Variants in KCNH5 observed in about 807,000 individuals in gnomAD.
The protein encoded by KCNH5 is potassium voltage-gated channel subfamily H member 5.
KCNH5 carries 46 observed loss-of-function variants against 96.1 expected under a neutral mutation model. The observed-to-expected ratio is 0.48, with a 90% confidence interval of 0.38 to 0.61. The LOEUF (loss-of-function observed/expected upper bound fraction) is 0.61, where lower values mean the gene tolerates loss of function less well. Ranked by LOEUF, KCNH5 falls within the 20% of genes least tolerant of loss-of-function variation. The probability of loss-of-function intolerance (pLI) is 0.00; values close to 1 mark genes in which losing one functional copy is unlikely to be tolerated. For missense variants in KCNH5, 907 were observed against 1,225.8 expected, an observed-to-expected ratio of 0.74 and a Z score of 3.88; for synonymous variants, 439 against 449.8, an observed-to-expected ratio of 0.98 and a Z score of 0.30.
intron 10 of KCNH5, among the ~76,000 whole-genome samples, chr14:62,731,914 T>C (rs1019446171): frequency 2.0e-5 from 3 of 152,184 alleles, no homozygotes; most frequent in Non-Finnish European, 2.9e-5. Context: ...ATTCAGGCTG[T>C]TGAGCACACA....
chr14:62,885,161 T>C lies in KCNH5; in HGVS notation c.1370-35309A>G, dbSNP rs537529183. Among the ~76,000 whole-genome samples the C allele has an allele frequency of 1.6e-4, 24 of 152,304 alleles. No homozygotes were observed. The South Asian group carries it at 4.8e-3, about 30-fold the overall frequency. On this transcript the variant is annotated intron_variant, in intron 7 of 10. Transcript: ENST00000322893. The stretch of plus-strand genomic sequence containing the variant: ...AAAGATTCTTGAAATCCCACCAATT[T>C]TTTTAAAAAACATAATTAAGAAACC...
At chr14:62,988,275 A>G (rs1303259135) in intron 4 of KCNH5, among the ~76,000 whole-genome samples, 1 of 152,110 alleles carries the variant, frequency 6.6e-6, no homozygotes, top group Non-Finnish European at 1.5e-5. Context: ...TAACTTCTAC[A>G]CAATTACCCT....
chr14:62,930,011 C>T (rs921592224), intron 7 of KCNH5, among the ~76,000 whole-genome samples: 3 of 152,104 alleles, frequency 2.0e-5, no homozygotes, highest in South Asian at 2.1e-4. Flanking sequence ...ATATGTAGCA[C>T]ACTTTTTAAT....
intron 1 of KCNH5, among the ~76,000 whole-genome samples, chr14:63,027,117 TCTTA>T (rs2139619047): frequency 6.6e-6 from 1 of 151,500 alleles, no homozygotes; most frequent in African/African-American, 2.4e-5. Flanking sequence ...CACCATATGA[TCTTA>T]CTTACATGTG....
At chr14:63,040,492 C>T (rs1269510337) in intron 1 of KCNH5, among the ~76,000 whole-genome samples, 2 of 152,060 alleles carry the variant, frequency 1.3e-5, no homozygotes, top group Non-Finnish European at 2.9e-5. Flanking sequence ...TAAAGTGGTA[C>T]ATTATAAGAC....
chr14:62,971,858 C>A (rs1359411064), intron 6 of KCNH5, among the ~76,000 whole-genome samples: 2 of 151,566 alleles, frequency 1.3e-5, no homozygotes, highest in Non-Finnish European at 2.9e-5. Context: ...AAATTTAACT[C>A]AGAATGAATC....
At chr14:63,007,918 G>A (rs571157211) in intron 2 of KCNH5, among the ~76,000 whole-genome samples, 46 of 152,132 alleles carry the variant, frequency 3.0e-4, no homozygotes, top group African/African-American at 1.0e-3. Flanking sequence ...GAGAACCTTG[G>A]CAAAAGTCTG....
intron 8 of KCNH5, among the ~76,000 whole-genome samples, chr14:62,817,189 T>A: frequency 7.2e-6 from 1 of 139,378 alleles, no homozygotes; most frequent in South Asian, 2.1e-4. Context: ...TACTATATAT[T>A]ATATATCATA....
intron 8 of KCNH5, among the ~76,000 whole-genome samples, chr14:62,831,834 G>C (rs1887356359): frequency 6.6e-6 from 1 of 151,970 alleles, no homozygotes; most frequent in African/African-American, 2.4e-5. Flanking sequence ...TGAGCCTCCT[G>C]AGTAGCTGAG....
chr14:62,814,782 CAAAAAA>C (rs71120235), intron 8 of KCNH5, among the ~76,000 whole-genome samples: 7 of 33,758 alleles, frequency 2.1e-4, no homozygotes, highest in Admixed American at 5.7e-4. Flanking sequence ...GACTCCATCT[CAAAAAA>C]AAAAAAAAAA....
chr14:62,741,807 A>G (rs887253250), intron 10 of KCNH5, among the ~76,000 whole-genome samples: 5 of 152,184 alleles, frequency 3.3e-5, no homozygotes, highest in Non-Finnish European at 7.3e-5. Flanking sequence ...TTTTAAAATA[A>G]ATCTCTGCAA....
intron 10 of KCNH5, among the ~76,000 whole-genome samples, chr14:62,775,291 G>A (rs1886072399): frequency 6.6e-6 from 1 of 152,194 alleles, no homozygotes. Flanking sequence ...CTAGCACCAT[G>A]AGACCAGGAG....
intron 5 of KCNH5, among the ~76,000 whole-genome samples, chr14:62,985,916 C>T (rs1223404873): frequency 6.6e-6 from 1 of 152,116 alleles, no homozygotes; most frequent in African/African-American, 2.4e-5. Flanking sequence ...ATCTTACATT[C>T]GTCATTTTAT....
rs566328150 is a variant in KCNH5, at chr14:62,713,099, CTGTAACATT to C, written c.2020-4653_2020-4645del. On this transcript the variant is annotated intron_variant, in intron 10 of 10. Transcript: ENST00000322893. ...TTGCTAACTGCTATATCTCTAGTGT[CTGTAACATT>C]TGTAACATTTGTAATAAACAAATGT... 3.1e-3 allele frequency among the ~76,000 whole-genome samples: 469 copies of C among 152,262 alleles called. 3 individuals carry two copies. Among genetic ancestry groups the C allele is most frequent in the African/African-American group, 1.0e-2 (415 of 41,554 alleles).
intron 7 of KCNH5, among the ~76,000 whole-genome samples, chr14:62,897,533 A>G (rs539115958): frequency 5.3e-5 from 8 of 151,426 alleles, no homozygotes; most frequent in South Asian, 2.1e-4. Flanking sequence ...ATATGGGGGG[A>G]AAAAAAACTG....
intron 8 of KCNH5, among the ~76,000 whole-genome samples, chr14:62,818,116 G>T (rs867907274): frequency 8.3e-6 from 1 of 120,426 alleles, no homozygotes; most frequent in Non-Finnish European, 1.7e-5. Flanking sequence ...GGGCGGGGGG[G>T]GGGTGGAAGA....
chr14:63,040,164 A>G (rs376918742), intron 1 of KCNH5, among the ~76,000 whole-genome samples: 2 of 152,298 alleles, frequency 1.3e-5, no homozygotes, highest in Admixed American at 6.5e-5. Context: ...GTCGCTATCA[A>G]TTAAAATAAT....
intron 10 of KCNH5, among the ~76,000 whole-genome samples, chr14:62,735,961 C>T (rs1277923039): frequency 6.6e-6 from 1 of 152,232 alleles, no homozygotes; most frequent in Admixed American, 6.5e-5. Flanking sequence ...CAACAAACAA[C>T]AGAAGCTAAA....
intron 1 of KCNH5, among the ~76,000 whole-genome samples, chr14:63,025,484 C>A (rs1018059469): frequency 6.6e-6 from 1 of 151,868 alleles, no homozygotes; most frequent in Admixed American, 6.6e-5. Flanking sequence ...ACTAAAGACT[C>A]AACCAAAAAA....
Sources: gnomAD v4.1 joint callset for allele counts (sites outside exome capture counted in the v4.1 genomes callset) on GRCh38, gnomAD v4.1.1 for gene constraint, MANE v1.5 for transcripts, NCBI Gene and HGNC (gene_info 2026-07-23, HGNC 2026-07-21) for gene names.